The following DST variants were observed in gnomAD, a reference collection of about 807,000 sequenced individuals.
The protein encoded by DST is bullous pemphigoid antigen.
A neutral mutation model predicts 875.2 loss-of-function variants in DST; 253 were observed. The ratio of observed to expected loss-of-function variants is 0.29; its 90% CI spans 0.26 to 0.32. The LOEUF (loss-of-function observed/expected upper bound fraction) is 0.32, where lower values mean the gene tolerates loss of function less well. Ranked by LOEUF, DST falls within the 10% of genes least tolerant of loss-of-function variation. DST has a pLI of 1.00. For missense variants in DST, 8,287 were observed against 9,111.6 expected (o/e 0.91, Z 3.68); for synonymous variants, 3,124 against 3,197.1 (o/e 0.98, Z 0.77).
At chr6:56,920,923 T>TTC (rs59362783) in intron 2 of DST, among the ~76,000 whole-genome samples, 4 of 141,326 alleles carry the variant, frequency 2.8e-5, no homozygotes, top group African/African-American at 1.0e-4. Context: ...TTTTTTTTTT[T>TTC]CACAGAGACA....
Position 56,648,462 on chromosome 6 carries a change from T to C in DST, c.1554+108A>G, listed in dbSNP as rs540342626. The C allele has an allele frequency of 5.6e-5, 64 of 1,152,034 alleles. No individual in the cohort carries two copies. In the South Asian group the frequency reaches 1.0e-3, roughly 18 times the overall value. 71.4% of individuals were successfully genotyped at this position (1,152,034 alleles called of 1,614,324 possible). On this transcript the variant is annotated intron_variant, in intron 13 of 103. Transcript: ENST00000680361. ...CAAATTTTGCCTACTTATTAATGGC[T>C]TTCCAAGGGCAACTTTTGTTGAACT...
At chr6:56,535,621 C>T (rs2096981657) in intron 62 of DST, among the ~76,000 whole-genome samples, 1 of 152,158 alleles carries the variant, frequency 6.6e-6, no homozygotes, top group Non-Finnish European at 1.5e-5. Flanking sequence ...GCACATTAGT[C>T]ATTTTTATCA....
chr6:56,915,505 T>C (rs1800497516), intron 2 of DST, among the ~76,000 whole-genome samples: 1 of 151,626 alleles, frequency 6.6e-6, no homozygotes, highest in African/African-American at 2.4e-5. Context: ...CTGAGATAGA[T>C]GAGGTTGTGC....
chr6:56,624,365 T>C, intron 36 of DST, 165 bp downstream of exon 36: 1 of 697,594 alleles, frequency 1.4e-6, no homozygotes, highest in Non-Finnish European at 2.6e-6. Context: ...ATCTTAGGCC[T>C]TCAGTCATTT....
At chr6:56,600,039 T>C (rs780465381) in intron 45 of DST, 30 bp downstream of exon 45, 13 of 1,584,322 alleles carry the variant, frequency 8.2e-6, no homozygotes, top group East Asian at 6.7e-5. Flanking sequence ...AACATCAACA[T>C]AGATCTGCTG....
chr6:56,552,213 T>C lies in DST; in HGVS notation c.16579A>G (p.Thr5527Ala), dbSNP rs1350777647. The change falls in exon 61 of 104, where the codon ACA becomes GCA. Residue 5527 changes from threonine to alanine, a missense_variant. Thr to Ala is a moderately conservative substitution (Grantham distance 58, BLOSUM62 0). Around this residue, in one of 10 missense-constraint regions of DST, gnomAD observed 777 missense variants for 764.8 expected, o/e 1.02. Transcript: ENST00000680361. ...AACATGTTAAGCTGCTGATTAATTG[T>C]CTCCGTTTCCATACCAACAGGACCT... ...SQGPVGMETE[T>A]INQQLNMFKV... 6.8e-6 allele frequency: 11 copies of C among 1,612,860 alleles called. No individual in the cohort carries two copies. Among genetic ancestry groups the C allele is most frequent in the Admixed American group, 3.3e-5 (2 of 59,876 alleles).
chr6:56,521,575 T>C (rs2096705985), intron 69 of DST, among the ~76,000 whole-genome samples: 4 of 135,420 alleles, frequency 3.0e-5, no homozygotes, highest in Middle Eastern at 4.4e-3. Flanking sequence ...GTTTCTTTGA[T>C]CAAGTCAAAC....
chr6:56,618,896 T>G (rs1268296433), intron 36 of DST: 3 of 1,614,076 alleles, frequency 1.9e-6, no homozygotes, highest in Non-Finnish European at 2.5e-6. Flanking sequence ...CAACCTGTTA[T>G]TTAACTCTTG....
At position 56,604,484 on chromosome 6, in the gene DST, T is replaced by C. The variant is rs760152121; in HGVS notation, c.10144A>G (p.Thr3382Ala). ...EVEEPSACAD[T>A]KILIQNLIKR... is the part of the protein sequence containing the mutation. ...ATTAAATTTTGAATTAAAATTTTAG[T>C]GTCTGCACAGGCTGAAGGTTCTTCA... Residue 3382 changes from threonine to alanine, a missense_variant, in exon 40 of 104, where the codon ACT (threonine) becomes GCT (alanine). Physicochemically the swap from Thr to Ala is moderately conservative, Grantham distance 58 (BLOSUM62 0). Coordinates refer to ENST00000680361, the MANE Select transcript of DST (RefSeq NM_001374736.1). 2.5e-6 allele frequency: 4 copies of C among 1,612,274 alleles called. No individual in the cohort carries two copies. Among genetic ancestry groups the C allele is most frequent in the South Asian group, 2.2e-5 (2 of 91,012 alleles).
intron 10 of DST, among the ~76,000 whole-genome samples, chr6:56,670,097 G>A (rs1226910607): frequency 6.6e-6 from 1 of 150,994 alleles, no homozygotes; most frequent in Non-Finnish European, 1.5e-5. Context: ...GACAACATCC[G>A]AAGACATATT....
At chr6:56,811,048 G>C (rs111310694) in intron 4 of DST, among the ~76,000 whole-genome samples, 52 of 151,996 alleles carry the variant, frequency 3.4e-4, no homozygotes, top group African/African-American at 1.2e-3. Context: ...GCCAGGCATG[G>C]TGGCATGCAC....
chr6:56,569,325 G>GGA (rs1554381113), intron 54 of DST, among the ~76,000 whole-genome samples: 4 of 94,812 alleles, frequency 4.2e-5, no homozygotes, highest in Admixed American at 1.3e-4. Flanking sequence ...ACTCTGTCTC[G>GGA]AAAAAAAAAA....
intron 3 of DST, among the ~76,000 whole-genome samples, chr6:56,873,731 A>G (rs1778399079): frequency 6.6e-6 from 1 of 152,180 alleles, no homozygotes; most frequent in East Asian, 1.9e-4. Flanking sequence ...GAGAGGGGAG[A>G]TGAAGAGAGG....
chr6:56,634,922 C>A lies in DST; in HGVS notation c.3218G>T (p.Ser1073Ile). The A allele has an allele frequency of 1.2e-6, 2 of 1,613,196 alleles. No homozygotes were observed. The highest frequency in any genetic ancestry group is 2.2e-5 in the South Asian group (2 of 91,062). Residue 1073 changes from serine (S) to isoleucine (I), a missense_variant, in exon 25 of 104, where the codon AGC becomes ATC. By Grantham distance (142) the Ser-to-Ile change is moderately radical (BLOSUM62 -2). This residue lies in a region of DST where 1,160 missense variants were observed against 1,424.3 expected (regional missense o/e 0.81). Transcript: ENST00000680361. ...TTTTCCCATTAGGTTTGCTATAGTG[C>A]TTTTGTACTGCAGAAGTTCTTCTTT... is the stretch of plus-strand genomic sequence containing the variant. ...EEKEELLQYK[S>I]TIANLMGKAK...
chr6:56,947,927 A>ATACATACTATGTTTTTTTCCTG (rs1820496459), intron 2 of DST, among the ~76,000 whole-genome samples: 1 of 152,242 alleles, frequency 6.6e-6, no homozygotes, highest in Non-Finnish European at 1.5e-5. Flanking sequence ...ACTAAACCCT[A>ATACATACTATGTTTTTTTCCTG]TACATACTAT....
chr6:56,628,208 C>T, intron 32 of DST, 47 bp from the exon 33 acceptor site: 1 of 1,542,460 alleles, frequency 6.5e-7, no homozygotes, highest in Admixed American at 1.7e-5. Context: ...CGATATCCAT[C>T]AGGAGGGTGG....
intron 33 of DST, 138 bp from the exon 34 acceptor site, chr6:56,627,425 C>T (rs1325768518): frequency 1.3e-5 from 9 of 719,960 alleles, no homozygotes; most frequent in African/African-American, 1.2e-4. Flanking sequence ...ACACAACTTG[C>T]CTTATGGGAA....
intron 9 of DST, among the ~76,000 whole-genome samples, chr6:56,677,300 T>A (rs559939422): frequency 6.6e-6 from 1 of 152,214 alleles, no homozygotes; most frequent in South Asian, 2.1e-4. Flanking sequence ...CACCACTACT[T>A]ATGTACCATC....
intron 98 of DST, chr6:56,466,398 A>C: frequency 2.6e-6 from 1 of 380,726 alleles, no homozygotes; most frequent in Non-Finnish European, 4.7e-6. Context: ...AACAGTTTGA[A>C]AAAAAAAAGA....
Sources: allele counts gnomAD v4.1 joint callset (sites outside exome capture counted in the v4.1 genomes callset), GRCh38; gene constraint gnomAD v4.1.1; regional missense constraint gnomAD v4.1.1; transcripts MANE v1.5; gene names NCBI Gene and HGNC (gene_info 2026-07-23, HGNC 2026-07-21).